The following SYN3 variants were observed in gnomAD, a reference collection of about 807,000 sequenced individuals.
The protein encoded by SYN3 is synapsin III.
Under a neutral mutation model 65.8 loss-of-function variants are expected in SYN3, and 35 were observed. The ratio of observed to expected loss-of-function variants is 0.53; its 90% CI spans 0.41 to 0.70. The LOEUF (loss-of-function observed/expected upper bound fraction) is 0.70. Ranked by LOEUF, SYN3 falls within the 30% of genes least tolerant of loss-of-function variation. The pLI, the probability that SYN3 is intolerant of heterozygous loss-of-function variation, is 0.00. For missense variants in SYN3, 680 were observed against 749.0 expected, an observed-to-expected ratio of 0.91 and a Z score of 1.08; for synonymous variants, 270 against 292.9, an observed-to-expected ratio of 0.92 and a Z score of 0.80.
intron 6 of SYN3, among the ~76,000 whole-genome samples, chr22:32,747,451 G>T (rs2044972149): frequency 6.6e-6 from 1 of 152,160 alleles, no homozygotes; most frequent in East Asian, 1.9e-4. Flanking sequence ...CACAATTGGG[G>T]CTGCTATTGA....
intron 3 of SYN3, among the ~76,000 whole-genome samples, chr22:32,976,658 G>A (rs1044622329): frequency 4.6e-5 from 7 of 152,144 alleles, no homozygotes; most frequent in Admixed American, 1.3e-4. Flanking sequence ...TGAGGGCCCC[G>A]CAGAGCCAGT....
At chr22:32,744,096 C>T (rs2044856129) in intron 6 of SYN3, among the ~76,000 whole-genome samples, 1 of 152,168 alleles carries the variant, frequency 6.6e-6, no homozygotes, top group African/African-American at 2.4e-5. Context: ...TGCAAACCTA[C>T]TGTAGAGAGT....
At chr22:32,919,204 C>A (rs1239582120) in intron 4 of SYN3, among the ~76,000 whole-genome samples, 1 of 152,218 alleles carries the variant, frequency 6.6e-6, no homozygotes, top group Non-Finnish European at 1.5e-5. Flanking sequence ...CCTCCATACA[C>A]ACGGGGCTCG....
At chr22:33,003,139 C>T (rs1000065103) in intron 2 of SYN3, among the ~76,000 whole-genome samples, 2 of 152,172 alleles carry the variant, frequency 1.3e-5, no homozygotes, top group African/African-American at 4.8e-5. Flanking sequence ...AACCCGTTTT[C>T]CTTTATAAAT....
intron 1 of SYN3, among the ~76,000 whole-genome samples, chr22:33,040,584 A>T (rs73162099): frequency 0.17 from 25,207 of 152,102 alleles, 2,340 homozygotes; most frequent in Non-Finnish European, 0.21. Context: ...TGATATGGTT[A>T]GGCTTTGTGT....
At chr22:32,936,855 A>G (rs1039830757) in intron 3 of SYN3, among the ~76,000 whole-genome samples, 1 of 152,190 alleles carries the variant, frequency 6.6e-6, no homozygotes, top group Non-Finnish European at 1.5e-5. Flanking sequence ...TTTACAGTGA[A>G]AGTCCCATGT....
At position 32,869,045 on chromosome 22, in the gene SYN3, A is replaced by G. The variant is rs1268819823; in HGVS notation, c.542T>C (p.Val181Ala). The G allele has an allele frequency of 6.2e-7, 1 of 1,614,090 alleles. No individual in the cohort carries two copies. The highest frequency in any genetic ancestry group is 1.1e-5 in the South Asian group (1 of 91,080). Residue 181 changes from valine to alanine, a missense_variant, in exon 5 of 14, where the codon GTC becomes GCC. By Grantham distance (64) the Val-to-Ala change is moderately conservative. Coordinates refer to ENST00000358763, the MANE Select transcript of SYN3 (RefSeq NM_003490.4). Reference protein sequence around the residue: ...MALGEDYRSLVIGLQYGGLPA... With the variant: ...MALGEDYRSLAIGLQYGGLPA... ...CAGCCCTCCATACTGCAGGCCGATG[A>G]CCAGGCTGCGGTAGTCTTCCCCCAG...
In SYN3 at chr22:32,980,656, G is replaced by A. The variant is rs889808782; in HGVS notation, c.358C>T (p.Arg120Ter). 3.1e-6 allele frequency: 5 copies of A among 1,613,796 alleles called. No homozygotes were observed. Among genetic ancestry groups the A allele is most frequent in the African/African-American group, 1.3e-5 (1 of 74,878 alleles). ...CAGCTCCCACCTACCTGCTCCACTC[G>A]GATCTCAATCTCTCCATTCACCTTC... ...GKKVNGEIEI[R>*]VEQAEFSELN... is the part of the protein sequence containing the mutation. The change falls in exon 3 of 14, where the codon CGA becomes TGA. Residue 120 changes from arginine (R) to a stop codon, truncating the protein, a stop_gained. Transcript: ENST00000358763. LOFTEE classifies it high-confidence loss of function.
chr22:32,615,871 A>G (rs1361070452), intron 6 of SYN3, among the ~76,000 whole-genome samples: 1 of 152,228 alleles, frequency 6.6e-6, no homozygotes, highest in Non-Finnish European at 1.5e-5. Flanking sequence ...CAGGTACGAC[A>G]GGGACAGCTT....
chr22:32,797,264 T>C (rs1316380065), intron 6 of SYN3, among the ~76,000 whole-genome samples: 1 of 152,294 alleles, frequency 6.6e-6, no homozygotes, highest in East Asian at 1.9e-4. Flanking sequence ...GTGCTGATCA[T>C]TGGACCCATT....
intron 1 of SYN3, among the ~76,000 whole-genome samples, chr22:33,040,802 G>A (rs375296164): frequency 2.0e-5 from 3 of 152,110 alleles, no homozygotes; most frequent in African/African-American, 7.2e-5. Flanking sequence ...GCTGCCTTGC[G>A]AAGAAGGTGT....
intron 6 of SYN3, chr22:32,858,112 C>A (rs1483440742): frequency 6.2e-7 from 1 of 1,614,156 alleles, no homozygotes; most frequent in Non-Finnish European, 8.5e-7. Flanking sequence ...GCTGAACTAT[C>A]GGTATCACCT....
chr22:32,667,740 G>A (rs2740987), intron 6 of SYN3, among the ~76,000 whole-genome samples: 26,572 of 151,830 alleles, frequency 0.18, 2,405 homozygotes, highest in South Asian at 0.24. Flanking sequence ...AGTCAAGGTC[G>A]GGAAAGAAGA....
At chr22:32,799,030 C>T (rs2145915201) in intron 6 of SYN3, among the ~76,000 whole-genome samples, 1 of 152,268 alleles carries the variant, frequency 6.6e-6, no homozygotes. Flanking sequence ...GTTCACCCCA[C>T]CTAGCTTATT....
At chr22:32,627,678 G>A (rs947263114) in intron 6 of SYN3, among the ~76,000 whole-genome samples, 8 of 151,998 alleles carry the variant, frequency 5.3e-5, no homozygotes, top group Admixed American at 5.2e-4. Context: ...CACACACAGA[G>A]ACATGCTCGG....
chr22:32,888,719 A>G (rs1031124171), intron 4 of SYN3, among the ~76,000 whole-genome samples: 1 of 152,148 alleles, frequency 6.6e-6, no homozygotes, highest in African/African-American at 2.4e-5. Context: ...GAAAACCTGA[A>G]ATCTGAAATG....
chr22:32,550,316 A>T (rs1051051721), intron 7 of SYN3, among the ~76,000 whole-genome samples: 1 of 151,706 alleles, frequency 6.6e-6, no homozygotes, highest in Non-Finnish European at 1.5e-5. Context: ...TAACAGCCTG[A>T]TCAGTAATTG....
intron 6 of SYN3, among the ~76,000 whole-genome samples, chr22:32,676,709 TG>T (rs1601893777): frequency 1.0e-5 from 1 of 100,068 alleles, no homozygotes; most frequent in South Asian, 2.8e-4. Context: ...GTTAATTTTT[TG>T]TTTTTTTTTT....
At chr22:32,871,908 A>G (rs1569292570) in intron 4 of SYN3, among the ~76,000 whole-genome samples, 1 of 152,164 alleles carries the variant, frequency 6.6e-6, no homozygotes, top group Non-Finnish European at 1.5e-5. Context: ...AATTACAGGC[A>G]TGAACCACCC....
Sources: gnomAD v4.1 joint callset for allele counts (sites outside exome capture counted in the v4.1 genomes callset) on GRCh38, gnomAD v4.1.1 for gene constraint, MANE v1.5 for transcripts, NCBI Gene and HGNC (gene_info 2026-07-23, HGNC 2026-07-21) for gene names.